Variants in WASF2 observed in about 807,000 individuals in gnomAD.
WASF2 encodes actin-binding protein WASF2.
A neutral mutation model predicts 45.0 loss-of-function variants in WASF2; 14 were observed. That is an observed-to-expected ratio of 0.31 (90% CI 0.21 to 0.49). The LOEUF is 0.49. Ranked by LOEUF, WASF2 falls within the 20% of genes least tolerant of loss-of-function variation. WASF2 has a pLI of 0.99. For missense variants in WASF2, 439 were observed against 636.1 expected (o/e 0.69, Z 3.33); for synonymous variants, 200 against 236.3 (o/e 0.85, Z 1.41).
intron 2 of WASF2, among the ~76,000 whole-genome samples, chr1:27,428,559 G>C: frequency 6.6e-6 from 1 of 152,202 alleles, no homozygotes; most frequent in South Asian, 2.1e-4. Flanking sequence ...GGAACCTAGA[G>C]GGTGGTGGTA....
chr1:27,408,239 C>G lies in WASF2; in HGVS notation c.1447G>C (p.Asp483His). 4 of 1,614,212 alleles carry G rather than the reference C, an allele frequency of 2.5e-6. No individual in the cohort carries two copies. Among genetic ancestry groups the G allele is most frequent in the Non-Finnish European group, 3.4e-6 (4 of 1,180,036 alleles). ...LSRRIAVEYSDSEDDSSEFDE... is the reference protein window; with the variant it reads ...LSRRIAVEYSHSEDDSSEFDE... The stretch of plus-strand genomic sequence containing the variant: ...AATTCAGAGGAGTCATCTTCTGAGT[C>G]ACTGTACTCAACAGCAATGCGACGA... Residue 483 changes from aspartate to histidine, a missense_variant, in exon 9 of 9, where the codon GAC becomes CAC. This residue lies in a region of WASF2 where 286 missense variants were observed against 373.5 expected (regional missense o/e 0.77). Transcript: ENST00000618852.
chr1:27,463,860 T>C (rs765668610), intron 1 of WASF2, among the ~76,000 whole-genome samples: 11 of 150,098 alleles, frequency 7.3e-5, no homozygotes, highest in Non-Finnish European at 1.3e-4. Flanking sequence ...TGGAGTACAA[T>C]GGCAGGATCT....
At chr1:27,488,742 C>A (rs928436066) in intron 1 of WASF2, among the ~76,000 whole-genome samples, 4 of 152,126 alleles carry the variant, frequency 2.6e-5, no homozygotes, top group African/African-American at 9.7e-5. Flanking sequence ...AGACCTCTGC[C>A]CCCATTTGTA....
chr1:27,461,460 ATTT>A (rs1310567255), intron 1 of WASF2, among the ~76,000 whole-genome samples: 1 of 127,684 alleles, frequency 7.8e-6, no homozygotes. Flanking sequence ...CCACTTCAGC[ATTT>A]TTTTTTTTTT....
chr1:27,480,303 G>A (rs1193819120), intron 1 of WASF2, among the ~76,000 whole-genome samples: 2 of 152,018 alleles, frequency 1.3e-5, no homozygotes, highest in African/African-American at 2.4e-5. Context: ...GATCACTTGA[G>A]GTCAGGAGTT....
intron 5 of WASF2, among the ~76,000 whole-genome samples, chr1:27,415,549 CACCCT>C (rs2016816165): frequency 6.6e-6 from 1 of 152,126 alleles, no homozygotes. Context: ...TATATCCCCC[CACCCT>C]AGCCCCGCCC....
At chr1:27,484,761 G>A (rs998763975) in intron 1 of WASF2, among the ~76,000 whole-genome samples, 36 of 146,994 alleles carry the variant, frequency 2.4e-4, no homozygotes, top group African/African-American at 7.4e-4. Flanking sequence ...GCAGTTAGCC[G>A]AGATCACGCC....
intron 1 of WASF2, among the ~76,000 whole-genome samples, chr1:27,460,350 G>A (rs1447685137): frequency 6.6e-6 from 1 of 152,044 alleles, no homozygotes; most frequent in Non-Finnish European, 1.5e-5. Flanking sequence ...TAGCAAAATC[G>A]AGAGAATATG....
intron 1 of WASF2, among the ~76,000 whole-genome samples, chr1:27,476,114 T>C (rs1292302816): frequency 6.6e-6 from 1 of 152,254 alleles, no homozygotes; most frequent in Non-Finnish European, 1.5e-5. Flanking sequence ...TATCCTATTG[T>C]TGAATGTTTA....
Position 27,410,030 on chromosome 1 carries a change from G to A in WASF2, c.1001C>T (p.Pro334Leu). Residue 334 changes from proline to leucine, a missense_variant, in exon 8 of 9, where the codon CCT (proline) becomes CTT (leucine). By Grantham distance (98) the Pro-to-Leu change is moderately conservative. Around this residue, in one of 5 missense-constraint regions of WASF2, gnomAD observed 286 missense variants for 373.5 expected, o/e 0.77. Transcript: ENST00000618852. This position sits in a 1 kb window ranked among gnomAD's most constrained non-coding sequence, Gnocchi z 4.2. ...PPPPPMIGIPPPPPPVGFGSP... is the reference protein window; with the variant it reads ...PPPPPMIGIPLPPPPVGFGSP... ...CCCAAATCCTACAGGCGGTGGTGGA[G>A]GTGGGATGCCTATCATTGGAGGCGG... is the stretch of plus-strand genomic sequence containing the variant. The A allele has an allele frequency of 6.2e-7, 1 of 1,613,816 alleles. No homozygotes were observed. Among genetic ancestry groups the A allele is most frequent in the Non-Finnish European group, 8.5e-7 (1 of 1,179,890 alleles).
chr1:27,416,151 C>A, intron 4 of WASF2, 49 bp from the exon 5 acceptor site: 1 of 1,489,518 alleles, frequency 6.7e-7, no homozygotes, highest in Non-Finnish European at 9.4e-7. Context: ...GATGAGCTCC[C>A]AACCAAATCC....
intron 2 of WASF2, 101 bp from the exon 3 acceptor site, chr1:27,419,189 T>C (rs2016868534): frequency 3.0e-6 from 4 of 1,322,784 alleles, no homozygotes; most frequent in Non-Finnish European, 3.2e-6. Context: ...CCCAAACACA[T>C]ACATATACAC....
intron 1 of WASF2, among the ~76,000 whole-genome samples, chr1:27,433,339 T>A (rs952842411): frequency 6.6e-6 from 1 of 152,184 alleles, no homozygotes; most frequent in African/African-American, 2.4e-5. Flanking sequence ...AGACTGTACA[T>A]AACTAGCACC....
Position 27,438,102 on chromosome 1 carries a change from C to A in WASF2, c.-43-9169G>T, listed in dbSNP as rs546115253. ...TAAGAGGACAGATACAAAATGCATT[C>A]CTCTCCAAGTACCTGGGAGGAAGCC... is the stretch of plus-strand genomic sequence containing the variant. On this transcript the variant is annotated intron_variant, in intron 1 of 8. Transcript: ENST00000618852. Among the ~76,000 whole-genome samples, 5 of 152,284 alleles carry A rather than the reference C, an allele frequency of 3.3e-5. No individual in the cohort carries two copies. The East Asian group carries it at 7.7e-4, about 23-fold the overall frequency.
intron 1 of WASF2, among the ~76,000 whole-genome samples, chr1:27,443,265 G>T (rs1571141535): frequency 7.3e-6 from 1 of 137,694 alleles, no homozygotes; most frequent in African/African-American, 2.7e-5. Context: ...GACTCCAGGA[G>T]TAAGAGGCCC....
intron 1 of WASF2, among the ~76,000 whole-genome samples, chr1:27,484,688 T>A (rs1404903272): frequency 6.6e-6 from 1 of 151,874 alleles, no homozygotes; most frequent in Non-Finnish European, 1.5e-5. Flanking sequence ...GGCGGGCACC[T>A]GTAGTCCCAG....
chr1:27,443,600 C>T (rs1203989780), intron 1 of WASF2, among the ~76,000 whole-genome samples: 1 of 151,688 alleles, frequency 6.6e-6, no homozygotes, highest in Admixed American at 6.6e-5. Flanking sequence ...GCAACAAGAG[C>T]AAAACTCCAC....
intron 1 of WASF2, among the ~76,000 whole-genome samples, chr1:27,469,708 A>C (rs2017664542): frequency 6.6e-6 from 1 of 152,150 alleles, no homozygotes; most frequent in South Asian, 2.1e-4. Flanking sequence ...TCGGGAGGCC[A>C]AGGCTGGCAG....
chr1:27,431,221 G>A (rs944888356), intron 1 of WASF2, among the ~76,000 whole-genome samples: 1 of 152,136 alleles, frequency 6.6e-6, no homozygotes, highest in Non-Finnish European at 1.5e-5. Context: ...TACTGTCTAA[G>A]GAAATGATTT....
Sources: gnomAD v4.1 joint callset for allele counts (sites outside exome capture counted in the v4.1 genomes callset) on GRCh38, gnomAD v4.1.1 for gene constraint, gnomAD v4.1.1 regional missense constraint, Gnocchi (gnomAD v3.1) non-coding constraint, MANE v1.5 for transcripts, NCBI Gene and HGNC (gene_info 2026-07-23, HGNC 2026-07-21) for gene names.